Variants in NACC2 observed in about 807,000 individuals in gnomAD.
NACC2 encodes the protein NACC family member 2.
In NACC2, 8 loss-of-function variants were observed where a neutral mutation model predicts 25.1. The ratio of observed to expected loss-of-function variants is 0.32; its 90% CI spans 0.19 to 0.57. NACC2 has a LOEUF of 0.57. Ranked by LOEUF, NACC2 falls within the 20% of genes least tolerant of loss-of-function variation. The pLI is 0.89. For missense variants in NACC2, 644 were observed against 650.2 expected, an observed-to-expected ratio of 0.99 and a Z score of 0.10; for synonymous variants, 435 against 294.7, an observed-to-expected ratio of 1.48 and a Z score of -4.88.
chr9:136,042,671 GAC>G lies in NACC2; in HGVS notation c.886+6963_886+6964del, dbSNP rs1840652197. 4.7e-5 allele frequency among the ~76,000 whole-genome samples: 7 copies of G among 149,396 alleles called. No individual in the cohort carries two copies. In the South Asian group the frequency reaches 8.5e-4, roughly 18 times the overall value. On this transcript the variant is annotated intron_variant, in intron 2 of 5. Transcript: ENST00000277554. Reference sequence around the variant, plus strand: ...ACACACACACACAGAAACACACACAGACACACAGACATACACACACAGACACA... The same window carrying G: ...ACACACACACACAGAAACACACACAGACACAGACATACACACACAGACACA...
chr9:136,026,060 C>T (rs942187044), intron 2 of NACC2, among the ~76,000 whole-genome samples: 6 of 151,926 alleles, frequency 3.9e-5, no homozygotes, highest in Non-Finnish European at 7.4e-5. Context: ...AAAGAATAGG[C>T]CAGGCGTGGT....
rs931416943 is a variant in NACC2, at chr9:136,018,747, C to T, written c.887-2318G>A. Among the ~76,000 whole-genome samples the T allele has an allele frequency of 1.2e-4, 19 of 152,092 alleles. No homozygotes were observed. Among genetic ancestry groups the T allele is most frequent in the African/African-American group, 4.3e-4 (18 of 41,394 alleles). On this transcript the variant is annotated intron_variant, in intron 2 of 5. Coordinates refer to ENST00000277554, the MANE Select transcript of NACC2 (RefSeq NM_144653.5). The surrounding 1 kb of genome is among the most constrained non-coding windows in gnomAD (Gnocchi z 4.4). ...ATCGCAGGATAAGCCCAGAATTACC[C>T]GAGTGCTCAGGGAACACAGCAAAAC...
chr9:136,011,824 C>G lies in NACC2; in HGVS notation c.1456G>C (p.Ala486Pro). 1 of 1,573,458 alleles carries G rather than the reference C, an allele frequency of 6.4e-7. No homozygotes were observed. Among genetic ancestry groups the G allele is most frequent in the Non-Finnish European group, 8.6e-7 (1 of 1,161,818 alleles). ...SVPLDPEFPP[A>P]AAQVFEQRIY... is the part of the protein sequence containing the mutation. ...CGTTGCTCGAACACCTGTGCCGCGG[C>G]AGGCGGGAACTCGGGGTCGAGGGGC... Residue 486 changes from alanine (A) to proline (P), a missense_variant, in exon 6 of 6, where the codon GCC becomes CCC. By Grantham distance (27) the Ala-to-Pro change is conservative. Transcript: ENST00000277554.
At chr9:136,088,185 C>T (rs1830398736) in intron 1 of NACC2, among the ~76,000 whole-genome samples, 1 of 152,196 alleles carries the variant, frequency 6.6e-6, no homozygotes, top group African/African-American at 2.4e-5. Flanking sequence ...CGGAATTTTG[C>T]TCTAAACGTG....
rs769752637 is a variant in NACC2 at position 136,011,773 on chromosome 9, C to T, written c.1507G>A (p.Ala503Thr). ...GTTCTCAGAGCCACGATGGTGGCGG[C>T]GTCGCCCCGCCGCTCGGCGTAGATG... is the stretch of plus-strand genomic sequence containing the variant. ...QRIYAERRGD[A>T]ATIVALRTDA... is the part of the protein sequence containing the mutation. The change falls in exon 6 of 6, where the codon GCC becomes ACC. Residue 503 changes from alanine (A) to threonine (T), a missense_variant. Transcript: ENST00000277554. 19 of 1,531,384 alleles carry T rather than the reference C, an allele frequency of 1.2e-5. No individual in the cohort carries two copies. The highest frequency in any genetic ancestry group is 1.7e-4 in the Middle Eastern group (1 of 5,840). The allele number at this position is 1,531,384 out of a possible 1,614,324, so 94.9% of individuals were successfully genotyped here.
chr9:136,081,874 G>A (rs1277524047), intron 1 of NACC2, among the ~76,000 whole-genome samples: 29 of 115,932 alleles, frequency 2.5e-4, no homozygotes, highest in Admixed American at 2.2e-3. Context: ...CCCGCCCACC[G>A]GACCCCTGCT....
intron 1 of NACC2, among the ~76,000 whole-genome samples, chr9:136,091,924 AG>A (rs994225648): frequency 1.4e-4 from 21 of 152,288 alleles, no homozygotes; most frequent in African/African-American, 4.8e-4. Context: ...GTGGAGCAGC[AG>A]CCCCTGGCCT....
rs774965277 is a variant in NACC2 at position 136,011,411 on chromosome 9, A to G, written c.*105T>C. The G allele has an allele frequency of 8.5e-7, 1 of 1,176,054 alleles. No homozygotes were observed. The highest frequency in any genetic ancestry group is 3.5e-5 in the South Asian group (1 of 28,924). 72.9% of individuals were successfully genotyped at this position (1,176,054 alleles called of 1,614,324 possible). On this transcript the variant is annotated 3_prime_UTR_variant, in exon 6 of 6. Transcript: ENST00000277554. ...ATAAAAATCACATTTTTCTCAGGCA[A>G]CAGTAGCAGTTCAGTAGGTAAGTGG...
At chr9:136,085,622 G>T (rs908812604) in intron 1 of NACC2, among the ~76,000 whole-genome samples, 1 of 152,214 alleles carries the variant, frequency 6.6e-6, no homozygotes, top group African/African-American at 2.4e-5. Context: ...CTGCCAGGGG[G>T]TGGGTACAGG....
rs3811129 is a variant in NACC2 at position 136,009,832 on chromosome 9, G to A, written c.*1684C>T. On this transcript the variant is annotated 3_prime_UTR_variant, in exon 6 of 6. Coordinates refer to ENST00000277554, the MANE Select transcript of NACC2 (RefSeq NM_144653.5). ...GGTCGGCCACCGCTCACTGGCCTGTGTGCACACCGGAGGGGGTGCTGATGG... is the reference window on the plus strand; with the variant it reads ...GGTCGGCCACCGCTCACTGGCCTGTATGCACACCGGAGGGGGTGCTGATGG... 0.1 allele frequency: 14,409 copies of A among 137,814 alleles called. 812 individuals are homozygous for A. The highest frequency in any genetic ancestry group is 0.18 in the South Asian group (803 of 4,460). The allele number at this position is 137,814 out of a possible 1,614,324, so 8.5% of individuals were successfully genotyped here.
At chr9:136,017,276 C>T (rs1052479762) in intron 2 of NACC2, among the ~76,000 whole-genome samples, 2 of 152,160 alleles carry the variant, frequency 1.3e-5, no homozygotes, top group East Asian at 3.8e-4. Flanking sequence ...ACGGGCCCCT[C>T]GGAGGCTCCT....
At chr9:136,083,382 G>A (rs1021013905) in intron 1 of NACC2, among the ~76,000 whole-genome samples, 2 of 152,340 alleles carry the variant, frequency 1.3e-5, no homozygotes, top group East Asian at 3.9e-4. Context: ...CCACAGAGAA[G>A]AGGGAGTGGG....
intron 3 of NACC2, among the ~76,000 whole-genome samples, chr9:136,014,745 G>A (rs961810928): frequency 1.3e-5 from 2 of 152,168 alleles, no homozygotes; most frequent in African/African-American, 4.8e-5. Context: ...GCTTTGCAGG[G>A]CCCAGTGCTG....
At position 136,016,346 on chromosome 9, in the gene NACC2, G is replaced by A. The variant is rs202227807; in HGVS notation, c.970C>T (p.Leu324Phe). 66 of 1,612,352 alleles carry A rather than the reference G, an allele frequency of 4.1e-5. No homozygotes were observed. The highest frequency in any genetic ancestry group is 5.3e-5 in the Non-Finnish European group (62 of 1,180,012). ...CAGCGGTATCCGATCTGGCTGATGA[G>A]GCTGGCAGGTAGGGCCACGAGGTCG... ...RRDLVALPAS[L>F]ISQIGYRCHP... is the part of the protein sequence containing the mutation. The change falls in exon 3 of 6, where the codon CTC (leucine) becomes TTC (phenylalanine). Residue 324 changes from leucine to phenylalanine, a missense_variant. Physicochemically the swap from Leu to Phe is conservative, Grantham distance 22. Transcript: ENST00000277554.
chr9:136,014,049 GA>G (rs1173441093), intron 3 of NACC2, 80 bp from the exon 4 acceptor site: 15 of 641,724 alleles, frequency 2.3e-5, no homozygotes, highest in African/African-American at 1.9e-5. Context: ...GGGTGAGGGG[GA>G]GGGGGGGAGG....
chr9:136,046,296 G>A (rs1840723544), intron 2 of NACC2, among the ~76,000 whole-genome samples: 3 of 152,196 alleles, frequency 2.0e-5, no homozygotes, highest in Non-Finnish European at 4.4e-5. Flanking sequence ...CACCCTCTGG[G>A]AGGTTTCCCC....
In NACC2 at chr9:136,050,464, G is replaced by A; in HGVS notation, c.58C>T (p.Leu20=). The change falls in exon 2 of 6, where the codon CTG becomes TTG. Residue 20 remains leucine, a synonymous_variant. Transcript: ENST00000277554. ...AGGCCCAGCAGGCGCTGCTCGTTCA[G>A]GCAGCCCAGCACTGTGTTCCCGAAG... ...PNFGNTVLGC[L]NEQRLLGLYC... is the part of the protein sequence containing the mutation. 1.3e-6 allele frequency: 1 copy of A among 766,234 alleles called. No individual in the cohort carries two copies. Among genetic ancestry groups the A allele is most frequent in the South Asian group, 1.3e-5 (1 of 74,450 alleles). 47.5% of individuals were successfully genotyped at this position (766,234 alleles called of 1,614,324 possible).
chr9:136,067,875 C>CT (rs1416631779), intron 1 of NACC2, among the ~76,000 whole-genome samples: 1 of 152,222 alleles, frequency 6.6e-6, no homozygotes, highest in Non-Finnish European at 1.5e-5. Context: ...TACAGCCTAA[C>CT]TGTGGTTAGG....
Position 136,022,561 on chromosome 9 carries a change from G to A in NACC2, c.887-6132C>T, listed in dbSNP as rs918284389. Reference sequence around the variant, plus strand: ...CCCCTTCCACCCAGCTTTGGGGGTGGGTCCATGGTCCCAGCTCGCTGCCTC... The same window carrying A: ...CCCCTTCCACCCAGCTTTGGGGGTGAGTCCATGGTCCCAGCTCGCTGCCTC... On this transcript the variant is annotated intron_variant, in intron 2 of 5. Coordinates refer to ENST00000277554, the MANE Select transcript of NACC2 (RefSeq NM_144653.5). This position sits in a 1 kb window ranked among gnomAD's most constrained non-coding sequence, Gnocchi z 4.4. Among the ~76,000 whole-genome samples, 7 of 152,146 alleles carry A rather than the reference G, an allele frequency of 4.6e-5. No individual in the cohort carries two copies. The highest frequency in any genetic ancestry group is 1.7e-4 in the African/African-American group (7 of 41,430).
Sources: allele counts gnomAD v4.1 joint callset (sites outside exome capture counted in the v4.1 genomes callset), GRCh38; gene constraint gnomAD v4.1.1; non-coding constraint Gnocchi (gnomAD v3.1); transcripts MANE v1.5; gene names NCBI Gene and HGNC (gene_info 2026-07-23, HGNC 2026-07-21).